Variants in CCND2 observed in about 807,000 individuals in gnomAD.
The protein encoded by CCND2 is G1/S-specific cyclin-D2.
A neutral mutation model predicts 30.2 loss-of-function variants in CCND2; 6 were observed. That is an observed-to-expected ratio of 0.20 (90% CI 0.11 to 0.39). CCND2 has a LOEUF of 0.39. CCND2 is among the 10% of genes least tolerant of loss of function. The pLI is 1.00. For synonymous variants in CCND2, 150 were observed against 153.1 expected (o/e 0.98, Z 0.15); for missense variants, 235 against 373.4 (o/e 0.63, Z 3.06).
rs1863835285 is a variant in CCND2, at chr12:4,274,490, G to T, written c.195+255G>T. 1.3e-5 allele frequency among the ~76,000 whole-genome samples: 2 copies of T among 152,336 alleles called. No individual in the cohort carries two copies. Among genetic ancestry groups the T allele is most frequent in the East Asian group, 1.9e-4 (1 of 5,168 alleles). On this transcript the variant is annotated intron_variant, in intron 1 of 4. Transcript: ENST00000261254. The surrounding 1 kb of genome is among the most constrained non-coding windows in gnomAD (Gnocchi z 7.7). ...GGGCGGGGGTAGGGGAGCATCCCGC[G>T]CGCGTGTTCCTGCATGTGGCTGCCT...
chr12:4,299,816 C>G lies in CCND2; in HGVS notation c.721-44C>G. 1 of 1,589,370 alleles carries G rather than the reference C, an allele frequency of 6.3e-7. No homozygotes were observed. Among genetic ancestry groups the G allele is most frequent in the Non-Finnish European group, 8.6e-7 (1 of 1,161,668 alleles). On this transcript the variant is annotated intron_variant, in intron 4 of 4. Transcript: ENST00000261254. This position sits in a 1 kb window ranked among gnomAD's most constrained non-coding sequence, Gnocchi z 5.2. Reference sequence around the variant, plus strand: ...GTTTTCTCCGTAGGATGCTCTATGTCCTGTTCCTCTTACTAACAACTCTGG... The same window carrying G: ...GTTTTCTCCGTAGGATGCTCTATGTGCTGTTCCTCTTACTAACAACTCTGG...
chr12:4,275,831 A>G (rs1298346974), intron 1 of CCND2, among the ~76,000 whole-genome samples, 174 bp from the exon 2 acceptor site: 1 of 151,472 alleles, frequency 6.6e-6, no homozygotes, highest in East Asian at 2.0e-4. Context: ...GATTCACTCC[A>G]GTTTCCTCAT....
rs535006212 is a variant in CCND2, at chr12:4,299,104, G to A, written c.721-756G>A. Reference sequence around the variant, plus strand: ...CAGTGAGGCGCGGTGGCTCATGCCTGTAATCCCAGCACTTTGGGAGGCCGA... The same window carrying A: ...CAGTGAGGCGCGGTGGCTCATGCCTATAATCCCAGCACTTTGGGAGGCCGA... On this transcript the variant is annotated intron_variant, in intron 4 of 4. Transcript: ENST00000261254. The surrounding 1 kb of genome is among the most constrained non-coding windows in gnomAD (Gnocchi z 5.2). 1.3e-5 allele frequency among the ~76,000 whole-genome samples: 2 copies of A among 152,242 alleles called. No homozygotes were observed. Among genetic ancestry groups the A allele is most frequent in the South Asian group, 2.1e-4 (1 of 4,828 alleles).
In CCND2 at chr12:4,273,785, G is replaced by A; in HGVS notation, c.-256G>A. 2 of 558,666 alleles carry A rather than the reference G, an allele frequency of 3.6e-6. No individual in the cohort carries two copies. The highest frequency in any genetic ancestry group is 2.3e-5 in the South Asian group (1 of 43,722). 34.6% of individuals were successfully genotyped at this position (558,666 alleles called of 1,614,324 possible). A position where few individuals can be genotyped will look rare whatever the true frequency, so the allele number is the denominator to read the frequency against. ...TCAGAGCGGAGAAGAGCGAGCAGGG[G>A]AGAGCGAGACCAGTTTTAAGGGGAG... is the stretch of plus-strand genomic sequence containing the variant. On this transcript the variant is annotated 5_prime_UTR_variant, in exon 1 of 5. Transcript: ENST00000261254. This position sits in a 1 kb window ranked among gnomAD's most constrained non-coding sequence, Gnocchi z 5.9.
intron 3 of CCND2, among the ~76,000 whole-genome samples, chr12:4,286,417 C>T (rs3217842): frequency 6.6e-6 from 1 of 152,208 alleles, no homozygotes; most frequent in Non-Finnish European, 1.5e-5. Flanking sequence ...CTGATGTTGC[C>T]TCAGTATTTG....
chr12:4,287,435 G>A lies in CCND2; in HGVS notation c.572-1407G>A, dbSNP rs1319872765. The stretch of plus-strand genomic sequence containing the variant: ...CTGATTGTTTTTGCTGTAAGTTGAA[G>A]GGTGACCCACGGTTCCCTGTATGCT... On this transcript the variant is annotated intron_variant, in intron 3 of 4. Transcript: ENST00000261254. The surrounding 1 kb of genome is among the most constrained non-coding windows in gnomAD (Gnocchi z 4.0). 1.3e-5 allele frequency among the ~76,000 whole-genome samples: 2 copies of A among 152,154 alleles called. No individual in the cohort carries two copies. Among genetic ancestry groups the A allele is most frequent in the African/African-American group, 4.8e-5 (2 of 41,420 alleles).
At position 4,294,329 on chromosome 12, in the gene CCND2, G is replaced by T. The variant is rs371127347; in HGVS notation, c.720+5339G>T. On this transcript the variant is annotated intron_variant, in intron 4 of 4. Coordinates refer to ENST00000261254, the MANE Select transcript of CCND2 (RefSeq NM_001759.4). ...GGGCCTATCATCATAGAAGTTGGAG[G>T]TCTGCCCGACCGCCAGCGCGGTAGG... 2.5e-4 allele frequency among the ~76,000 whole-genome samples: 38 copies of T among 152,088 alleles called. No homozygotes were observed. The East Asian group carries it at 7.2e-3, about 29-fold the overall frequency.
At chr12:4,281,904 G>A (rs529913936) in intron 3 of CCND2, among the ~76,000 whole-genome samples, 74 of 138,956 alleles carry the variant, frequency 5.3e-4, no homozygotes, top group African/African-American at 1.6e-3. Flanking sequence ...AGCAAGGGCC[G>A]CAAGCTGCTG....
chr12:4,291,013 C>G (rs1362626547), intron 4 of CCND2, among the ~76,000 whole-genome samples: 2 of 152,086 alleles, frequency 1.3e-5, no homozygotes, highest in African/African-American at 2.4e-5. Flanking sequence ...TCATTCACAC[C>G]GGTGGACCTG....
At chr12:4,289,109 A>T (rs1381441686) in intron 4 of CCND2, 119 bp downstream of exon 4, 6 of 1,002,574 alleles carry the variant, frequency 6.0e-6, no homozygotes, top group Non-Finnish European at 8.4e-6. Flanking sequence ...CCTAAGATCG[A>T]CATCCAAGGG....
intron 1 of CCND2, among the ~76,000 whole-genome samples, chr12:4,275,764 T>A (rs1367719079): frequency 6.6e-6 from 1 of 152,074 alleles, no homozygotes; most frequent in Non-Finnish European, 1.5e-5. Context: ...TTTGGAGCTG[T>A]AGTTCACCCC....
chr12:4,282,558 G>A lies in CCND2; in HGVS notation c.571+3639G>A, dbSNP rs185402365. On this transcript the variant is annotated intron_variant, in intron 3 of 4. Transcript: ENST00000261254. The surrounding 1 kb of genome is among the most constrained non-coding windows in gnomAD (Gnocchi z 4.3). ...TGCTGGGAAGGAAGAATGGAAACCC[G>A]TCTTTCCATCTGCAAGTCTCTGAGC... Among the ~76,000 whole-genome samples, 24 of 152,280 alleles carry A rather than the reference G, an allele frequency of 1.6e-4. No individual in the cohort carries two copies. The highest frequency in any genetic ancestry group is 1.9e-4 in the Non-Finnish European group (13 of 68,022).
chr12:4,291,451 C>T (rs1864100471), intron 4 of CCND2, among the ~76,000 whole-genome samples: 1 of 152,032 alleles, frequency 6.6e-6, no homozygotes, highest in Non-Finnish European at 1.5e-5. Flanking sequence ...TTACTGAAGG[C>T]CCAGTTGTTG....
chr12:4,298,238 T>G (rs1864201331), intron 4 of CCND2, among the ~76,000 whole-genome samples: 1 of 152,178 alleles, frequency 6.6e-6, no homozygotes, highest in Non-Finnish European at 1.5e-5. Context: ...CTCATTTCAT[T>G]GTTCCAGGTG....
chr12:4,285,172 T>G lies in CCND2; in HGVS notation c.572-3670T>G. On this transcript the variant is annotated intron_variant, in intron 3 of 4. Transcript: ENST00000261254. This position sits in a 1 kb window ranked among gnomAD's most constrained non-coding sequence, Gnocchi z 4.1. ...TTAAGAAGTCTGAATATTGTACGTT[T>G]TGGGGGGAGTCCTCCATGCTGCCTG... 2.7e-6 allele frequency: 1 copy of G among 370,204 alleles called. No individual in the cohort carries two copies. Among genetic ancestry groups the G allele is most frequent in the Non-Finnish European group, 3.7e-6 (1 of 268,012 alleles). 22.9% of individuals were successfully genotyped at this position (370,204 alleles called of 1,614,324 possible). A position where few individuals can be genotyped will look rare whatever the true frequency, so the allele number is the denominator to read the frequency against.
At chr12:4,297,854 C>A (rs1010540801) in intron 4 of CCND2, 6 of 453,402 alleles carry the variant, frequency 1.3e-5, no homozygotes, top group African/African-American at 1.2e-4. Context: ...CAGCGCCCGA[C>A]TCCATTTCAG....
Position 4,282,541 on chromosome 12 carries a change from A to G in CCND2, c.571+3622A>G, listed in dbSNP as rs1863963194. ...GATTTCGCCTTGATGGGTGCTGGGA[A>G]GGAAGAATGGAAACCCGTCTTTCCA... is the stretch of plus-strand genomic sequence containing the variant. On this transcript the variant is annotated intron_variant, in intron 3 of 4. Transcript: ENST00000261254. The surrounding 1 kb of genome is among the most constrained non-coding windows in gnomAD (Gnocchi z 4.3). Among the ~76,000 whole-genome samples, 1 of 152,156 alleles carries G rather than the reference A, an allele frequency of 6.6e-6. No homozygotes were observed. The highest frequency in any genetic ancestry group is 2.4e-5 in the African/African-American group (1 of 41,446).
rs952120866 is a variant in CCND2, at chr12:4,301,365, TTATTG to T, written c.*1358_*1362del. The T allele has an allele frequency of 4.3e-6, 1 of 232,922 alleles. No individual in the cohort carries two copies. Among genetic ancestry groups the T allele is most frequent in the Non-Finnish European group, 8.5e-6 (1 of 117,882 alleles). 14.4% of individuals were successfully genotyped at this position (232,922 alleles called of 1,614,324 possible). On this transcript the variant is annotated 3_prime_UTR_variant, in exon 5 of 5. Coordinates refer to ENST00000261254, the MANE Select transcript of CCND2 (RefSeq NM_001759.4). ...TGTTCCCTTTTCCGTTTTTTTTTTTTTATTGTTGTTGTTAATTTTATTGCAAAGTT... is the reference window on the plus strand; with the variant it reads ...TGTTCCCTTTTCCGTTTTTTTTTTTTTTGTTGTTAATTTTATTGCAAAGTT...
chr12:4,278,958 C>G, intron 3 of CCND2, 39 bp downstream of exon 3: 1 of 1,584,074 alleles, frequency 6.3e-7, no homozygotes, highest in South Asian at 1.1e-5. Context: ...GATGGGGGAG[C>G]TCTTTTGGGA....
Sources: allele counts gnomAD v4.1 joint callset (sites outside exome capture counted in the v4.1 genomes callset), GRCh38; gene constraint gnomAD v4.1.1; non-coding constraint Gnocchi (gnomAD v3.1); transcripts MANE v1.5; gene names NCBI Gene and HGNC (gene_info 2026-07-23, HGNC 2026-07-21).